Variants in MAP3K13 observed in about 807,000 individuals in gnomAD.
MAP3K13 encodes leucine zipper-bearing kinase.
MAP3K13 carries 52 observed loss-of-function variants against 104.0 expected under a neutral mutation model. That is an observed-to-expected ratio of 0.50 (90% CI 0.40 to 0.63). MAP3K13 has a LOEUF of 0.63. Ranked by LOEUF, MAP3K13 falls within the 20% of genes least tolerant of loss-of-function variation. The pLI is 0.00. For missense variants in MAP3K13, 914 were observed against 1,218.5 expected (o/e 0.75, Z 3.72); for synonymous variants, 394 against 442.2 (o/e 0.89, Z 1.37).
chr3:185,448,095 C>T (rs763627808), intron 5 of MAP3K13, 148 bp downstream of exon 5: 12 of 907,406 alleles, frequency 1.3e-5, no homozygotes, highest in Non-Finnish European at 1.8e-5. Context: ...TTCTGAGGTA[C>T]TTCCCAGTAT....
chr3:185,312,661 T>G (rs931812296), intron 2 of MAP3K13, among the ~76,000 whole-genome samples: 1 of 152,222 alleles, frequency 6.6e-6, no homozygotes, highest in Non-Finnish European at 1.5e-5. Flanking sequence ...AAATATAGTA[T>G]GCTGAAATCA....
At chr3:185,459,448 A>G (rs148310171) in intron 7 of MAP3K13, among the ~76,000 whole-genome samples, 1 of 151,992 alleles carries the variant, frequency 6.6e-6, no homozygotes, top group Non-Finnish European at 1.5e-5. Flanking sequence ...TTTAACCATT[A>G]AAAAAAATTT....
At chr3:185,438,283 G>A (rs1715150670) in intron 3 of MAP3K13, among the ~76,000 whole-genome samples, 1 of 147,406 alleles carries the variant, frequency 6.8e-6, no homozygotes, top group African/African-American at 2.5e-5. Context: ...GTGACAGAGT[G>A]AGACCCTGAA....
chr3:185,338,627 A>C (rs1722601491), intron 2 of MAP3K13, among the ~76,000 whole-genome samples: 1 of 152,190 alleles, frequency 6.6e-6, no homozygotes, highest in African/African-American at 2.4e-5. Flanking sequence ...CATTACCCCT[A>C]TGCCTATCAA....
chr3:185,483,818 T>G lies in MAP3K13; in HGVS notation c.*1362T>G, dbSNP rs916231839. ...ACCTCCATCTCCCAGGTTCAAGCGATTCTCCTGCCTCAGCCTCCCGAGTAG... is the reference window on the plus strand; with the variant it reads ...ACCTCCATCTCCCAGGTTCAAGCGAGTCTCCTGCCTCAGCCTCCCGAGTAG... On this transcript the variant is annotated 3_prime_UTR_variant, in exon 14 of 14. Coordinates refer to ENST00000265026, the MANE Select transcript of MAP3K13 (RefSeq NM_004721.5). 6.9e-6 allele frequency: 1 copy of G among 144,050 alleles called. No homozygotes were observed. Among genetic ancestry groups the G allele is most frequent in the Non-Finnish European group, 1.4e-5 (1 of 69,028 alleles). The allele number at this position is 144,050 out of a possible 1,614,324, so 8.9% of individuals were successfully genotyped here. A position where few individuals can be genotyped will look rare whatever the true frequency, so the allele number is the denominator to read the frequency against.
chr3:185,375,987 G>C (rs918121195), intron 1 of MAP3K13, among the ~76,000 whole-genome samples: 45 of 152,292 alleles, frequency 3.0e-4, no homozygotes, highest in Admixed American at 7.2e-4. Flanking sequence ...GTAGTGGAGG[G>C]GGGCAGAGCG....
intron 12 of MAP3K13, 137 bp from the exon 13 acceptor site, chr3:185,480,095 T>C (rs1718357512): frequency 1.3e-6 from 1 of 784,892 alleles, no homozygotes; most frequent in African/African-American, 1.7e-5. Flanking sequence ...AAATAGTTTC[T>C]ACCTATCTTG....
intron 2 of MAP3K13, among the ~76,000 whole-genome samples, chr3:185,304,642 T>C (rs1721215767): frequency 6.6e-6 from 1 of 152,164 alleles, no homozygotes; most frequent in African/African-American, 2.4e-5. Context: ...ACTTATGTTC[T>C]CTTTTTTTTG....
At chr3:185,286,820 C>T (rs910509763) in intron 2 of MAP3K13, among the ~76,000 whole-genome samples, 4 of 151,926 alleles carry the variant, frequency 2.6e-5, no homozygotes, top group African/African-American at 7.2e-5. Flanking sequence ...AAGAGACTTA[C>T]ATCTCACATT....
chr3:185,480,484 T>C lies in MAP3K13; in HGVS notation c.2754T>C (p.Thr918=). Residue 918 remains threonine, a synonymous_variant, in exon 13 of 14, where the codon ACT becomes ACC. Transcript: ENST00000265026. ...AGTGTGCCGTGCGCCGTGTGAAGACTCAGATGTCTCTGGGCAAGCTGTGTG... is the reference window on the plus strand; with the variant it reads ...AGTGTGCCGTGCGCCGTGTGAAGACCCAGATGTCTCTGGGCAAGCTGTGTG... ...DKECAVRRVK[T]QMSLGKLCVE... 4 of 1,614,162 alleles carry C rather than the reference T, an allele frequency of 2.5e-6. No individual in the cohort carries two copies. The highest frequency in any genetic ancestry group is 3.4e-6 in the Non-Finnish European group (4 of 1,180,020).
At chr3:185,414,177 T>C (rs1405275952) in intron 1 of MAP3K13, among the ~76,000 whole-genome samples, 1 of 152,206 alleles carries the variant, frequency 6.6e-6, no homozygotes, top group East Asian at 1.9e-4. Context: ...CAAGGGGTAA[T>C]AATAATACCT....
chr3:185,374,355 C>T (rs189194206), intron 1 of MAP3K13, among the ~76,000 whole-genome samples: 2 of 152,080 alleles, frequency 1.3e-5, no homozygotes, highest in African/African-American at 2.4e-5. Flanking sequence ...AGTGCTGCTT[C>T]GAGCGGGATT....
chr3:185,338,623 C>T (rs1722600979), intron 2 of MAP3K13, among the ~76,000 whole-genome samples: 1 of 151,950 alleles, frequency 6.6e-6, no homozygotes, highest in Admixed American at 6.6e-5. Context: ...ATAACATTAC[C>T]CCTATGCCTA....
chr3:185,383,359 G>C (rs1413122410), intron 1 of MAP3K13, among the ~76,000 whole-genome samples: 1 of 151,952 alleles, frequency 6.6e-6, no homozygotes, highest in Non-Finnish European at 1.5e-5. Context: ...ATGATTTATA[G>C]TCCTTTGGGT....
At position 185,328,000 on chromosome 3, in the gene MAP3K13, GGGAA is replaced by G. The variant is rs367970418; in HGVS notation, c.-86+42374_-86+42377del. ...GAAGGAAAGAAGGGGGAAGGAGGGAGGGAAGGAAGGAAGGAAGGAATAAAATAAA... is the reference window on the plus strand; with the variant it reads ...GAAGGAAAGAAGGGGGAAGGAGGGAGGGAAGGAAGGAAGGAATAAAATAAA... On this transcript the variant is annotated intron_variant, in intron 2 of 14. Transcript: ENST00000424227. Among the ~76,000 whole-genome samples, 35 of 149,392 alleles carry G rather than the reference GGGAA, an allele frequency of 2.3e-4. No homozygotes were observed. The East Asian group carries it at 3.0e-3, about 13-fold the overall frequency.
chr3:185,436,782 C>G (rs1192415487), intron 2 of MAP3K13, among the ~76,000 whole-genome samples: 2 of 151,970 alleles, frequency 1.3e-5, no homozygotes, highest in Non-Finnish European at 2.9e-5. Flanking sequence ...GCGGGTGGAT[C>G]ACCTGAGGTC....
intron 8 of MAP3K13, 54 bp from the exon 9 acceptor site, chr3:185,465,689 GCGGA>G: frequency 1.8e-6 from 2 of 1,126,600 alleles, no homozygotes; most frequent in Non-Finnish European, 2.7e-6. Context: ...ATTTCATCAA[GCGGA>G]CTTTTTTCTC....
intron 7 of MAP3K13, among the ~76,000 whole-genome samples, chr3:185,459,356 G>A (rs1716957887): frequency 6.6e-6 from 1 of 152,056 alleles, no homozygotes; most frequent in Admixed American, 6.6e-5. Flanking sequence ...AGCTAGGCTG[G>A]AACTGGCTCA....
At chr3:185,386,380 A>G (rs1378224522) in intron 1 of MAP3K13, among the ~76,000 whole-genome samples, 2 of 152,120 alleles carry the variant, frequency 1.3e-5, no homozygotes, top group Non-Finnish European at 2.9e-5. Context: ...CCTCATACCA[A>G]TCAGAATGGC....
Sources: allele counts gnomAD v4.1 joint callset (sites outside exome capture counted in the v4.1 genomes callset), GRCh38; gene constraint gnomAD v4.1.1; transcripts MANE v1.5; gene names NCBI Gene and HGNC (gene_info 2026-07-23, HGNC 2026-07-21).